Variants in GABRB2 observed in about 807,000 individuals in gnomAD.
The protein encoded by GABRB2 is gamma-aminobutyric acid receptor subunit beta-2.
A neutral mutation model predicts 54.7 loss-of-function variants in GABRB2; 16 were observed. The ratio of observed to expected loss-of-function variants is 0.29; its 90% CI spans 0.20 to 0.44. The LOEUF (loss-of-function observed/expected upper bound fraction) is 0.44. GABRB2 is among the 20% of genes least tolerant of loss of function. The pLI, the probability that GABRB2 is intolerant of heterozygous loss-of-function variation, is 1.00. For synonymous variants in GABRB2, 244 were observed against 233.8 expected (o/e 1.04, Z -0.40); for missense variants, 355 against 644.0 (o/e 0.55, Z 4.86).
chr5:161,534,241 G>C (rs1462172248), intron 3 of GABRB2, among the ~76,000 whole-genome samples: 1 of 152,102 alleles, frequency 6.6e-6, no homozygotes, highest in African/African-American at 2.4e-5. Flanking sequence ...GCATCCATTA[G>C]GTAGAAGCAA....
At chr5:161,399,961 G>C (rs944398549) in intron 5 of GABRB2, among the ~76,000 whole-genome samples, 1 of 152,172 alleles carries the variant, frequency 6.6e-6, no homozygotes, top group Non-Finnish European at 1.5e-5. Flanking sequence ...CATGGAGCTG[G>C]CGGCAGTGGA....
At chr5:161,548,144 A>G (rs1202576693), upstream of GABRB2, 1 of 152,478 alleles carries the variant, frequency 6.6e-6, no homozygotes, top group Non-Finnish European at 1.5e-5. Flanking sequence ...TCGCACACCC[A>G]GAGGCTGCCT....
intron 3 of GABRB2, among the ~76,000 whole-genome samples, chr5:161,473,172 G>C (rs1461494708): frequency 6.6e-6 from 1 of 151,968 alleles, no homozygotes; most frequent in East Asian, 1.9e-4. Flanking sequence ...CTAATGCTTA[G>C]AGGATTTTCC....
chr5:161,407,696 T>G (rs1458113827), intron 5 of GABRB2, among the ~76,000 whole-genome samples: 1 of 152,036 alleles, frequency 6.6e-6, no homozygotes, highest in East Asian at 1.9e-4. Context: ...GAGAGAGATA[T>G]AAACACAATG....
Position 161,488,791 on chromosome 5 carries a change from G to GA in GABRB2, c.238-28948dup, listed in dbSNP as rs560391031. The stretch of plus-strand genomic sequence containing the variant: ...CTAATGTTATGTGGTTCCTTTCTGA[G>GA]AAAAAAAATATTTACAAAAGGTATA... On this transcript the variant is annotated intron_variant, in intron 3 of 9. Transcript: ENST00000393959. Among the ~76,000 whole-genome samples, 251 of 151,272 alleles carry GA rather than the reference G, an allele frequency of 1.7e-3. 3 individuals are homozygous for GA. Among genetic ancestry groups the GA allele is most frequent in the African/African-American group, 5.7e-3 (234 of 41,350 alleles).
chr5:161,455,260 A>G (rs1757916327), intron 4 of GABRB2, among the ~76,000 whole-genome samples: 1 of 152,116 alleles, frequency 6.6e-6, no homozygotes, highest in Non-Finnish European at 1.5e-5. Flanking sequence ...GTTCTGGCTG[A>G]CGAGCTTTGA....
intron 3 of GABRB2, among the ~76,000 whole-genome samples, chr5:161,479,778 C>T (rs921892319): frequency 5.3e-5 from 8 of 151,744 alleles, no homozygotes; most frequent in African/African-American, 9.7e-5. Flanking sequence ...TTAGTAGAGA[C>T]GGGGTTTCAC....
intron 3 of GABRB2, among the ~76,000 whole-genome samples, chr5:161,520,160 C>T (rs1760072335): frequency 6.6e-6 from 1 of 151,928 alleles, no homozygotes; most frequent in African/African-American, 2.4e-5. Context: ...CCACACCTTC[C>T]AGCTGGCCAT....
chr5:161,501,405 A>C (rs1759437726), intron 3 of GABRB2, among the ~76,000 whole-genome samples: 1 of 152,076 alleles, frequency 6.6e-6, no homozygotes, highest in Admixed American at 6.6e-5. Flanking sequence ...TCCATTATCT[A>C]TTTTATATAG....
At chr5:161,345,300 A>G (rs192488641) in intron 5 of GABRB2, among the ~76,000 whole-genome samples, 3 of 152,202 alleles carry the variant, frequency 2.0e-5, no homozygotes, top group South Asian at 2.1e-4. Context: ...ATCTATTTCT[A>G]TGCTTTAAAA....
intron 5 of GABRB2, among the ~76,000 whole-genome samples, chr5:161,341,972 T>TATATATATAC (rs1423697723): frequency 7.3e-6 from 1 of 136,750 alleles, no homozygotes; most frequent in East Asian, 2.1e-4. Flanking sequence ...TATATATACA[T>TATATATATAC]ACTTTATTAT....
intron 9 of GABRB2, among the ~76,000 whole-genome samples, chr5:161,321,963 C>G (rs1758224034): frequency 6.6e-6 from 1 of 152,060 alleles, no homozygotes; most frequent in African/African-American, 2.4e-5. Context: ...CAGGGAACAA[C>G]CTGGCAATTA....
intron 9 of GABRB2, among the ~76,000 whole-genome samples, chr5:161,300,028 G>A (rs1469643757): frequency 6.6e-6 from 1 of 152,102 alleles, no homozygotes; most frequent in African/African-American, 2.4e-5. Context: ...TGCTAAACTG[G>A]CATCATTTCC....
chr5:161,336,671 C>A lies in GABRB2; in HGVS notation c.640G>T (p.Asp214Tyr). The change falls in exon 6 of 10, where the codon GAT becomes TAT. Residue 214 changes from aspartate (D) to tyrosine (Y), a missense_variant. Physicochemically the swap from Asp to Tyr is radical, Grantham distance 160. This residue lies in a region of GABRB2 where 30 missense variants were observed against 33.7 expected (regional missense o/e 0.89). Coordinates refer to ENST00000393959, the MANE Select transcript of GABRB2 (RefSeq NM_001371727.1). ...ACCTTCTTGGTGATAAGTTTGTAATCTACAATAGAGAACTGTGGAAGTTCA... is the reference window on the plus strand; with the variant it reads ...ACCTTCTTGGTGATAAGTTTGTAATATACAATAGAGAACTGTGGAAGTTCA... ...KIELPQFSIV[D>Y]YKLITKKVVF... 2 of 1,613,292 alleles carry A rather than the reference C, an allele frequency of 1.2e-6. No individual in the cohort carries two copies. The highest frequency in any genetic ancestry group is 1.7e-6 in the Non-Finnish European group (2 of 1,179,642).
chr5:161,524,122 G>C (rs1332068369), intron 3 of GABRB2, among the ~76,000 whole-genome samples: 1 of 151,184 alleles, frequency 6.6e-6, no homozygotes, highest in Non-Finnish European at 1.5e-5. Flanking sequence ...TGGGATCTGA[G>C]ATTATTTCTT....
intron 9 of GABRB2, among the ~76,000 whole-genome samples, chr5:161,309,348 C>G (rs895179484): frequency 6.6e-6 from 1 of 151,966 alleles, no homozygotes; most frequent in East Asian, 1.9e-4. Flanking sequence ...ATTAAAAAGT[C>G]AAAAAACAAC....
At chr5:161,464,986 T>C (rs770265361) in intron 3 of GABRB2, among the ~76,000 whole-genome samples, 101 of 152,176 alleles carry the variant, frequency 6.6e-4, no homozygotes, top group Non-Finnish European at 1.2e-3. Context: ...GTTAGGACTT[T>C]AGGCATTTGT....
chr5:161,458,699 A>T (rs551593519), intron 4 of GABRB2, among the ~76,000 whole-genome samples: 1 of 152,226 alleles, frequency 6.6e-6, no homozygotes, highest in Non-Finnish European at 1.5e-5. Flanking sequence ...TCTTCATTTG[A>T]AAACAAAGAC....
At chr5:161,359,395 C>T (rs529864305) in intron 5 of GABRB2, among the ~76,000 whole-genome samples, 1 of 151,404 alleles carries the variant, frequency 6.6e-6, no homozygotes, top group East Asian at 1.9e-4. Context: ...GCATTTTTAG[C>T]TAAGTTTGAA....
Sources: gnomAD v4.1 joint callset for allele counts (sites outside exome capture counted in the v4.1 genomes callset) on GRCh38, gnomAD v4.1.1 for gene constraint, gnomAD v4.1.1 regional missense constraint, MANE v1.5 for transcripts, NCBI Gene and HGNC (gene_info 2026-07-23, HGNC 2026-07-21) for gene names.